Variants in BRDT observed in about 807,000 individuals in gnomAD.
The protein encoded by BRDT is bromodomain testis associated.
A neutral mutation model predicts 113.9 loss-of-function variants in BRDT; 77 were observed. That is an observed-to-expected ratio of 0.68 (90% CI 0.56 to 0.82). The LOEUF (loss-of-function observed/expected upper bound fraction) is 0.82. Among genes scored for constraint, BRDT ranks in the 40% least tolerant of loss-of-function variants. The pLI, the probability that BRDT is intolerant of heterozygous loss-of-function variation, is 0.00. For synonymous variants in BRDT, 358 were observed against 366.5 expected (o/e 0.98, Z 0.26); for missense variants, 1,027 against 1,105.4 (o/e 0.93, Z 1.01).
At chr1:91,996,329 A>G (rs2101766823) in intron 15 of BRDT, among the ~76,000 whole-genome samples, 2 of 152,168 alleles carry the variant, frequency 1.3e-5, no homozygotes, top group South Asian at 4.1e-4. Flanking sequence ...GCTCACCGCA[A>G]CCTCTGCCTC....
At chr1:91,985,285 C>T (rs924648377) in intron 12 of BRDT, among the ~76,000 whole-genome samples, 1 of 151,964 alleles carries the variant, frequency 6.6e-6, no homozygotes, top group Non-Finnish European at 1.5e-5. Flanking sequence ...TGGTCTCGAT[C>T]TCCTGACCTG....
At chr1:92,013,045 T>TTC (rs60602314) in intron 18 of BRDT, among the ~76,000 whole-genome samples, 10,146 of 151,608 alleles carry the variant, frequency 0.067, 394 homozygotes, top group African/African-American at 0.096. Context: ...TGTGGCAAAA[T>TTC]TGTCTCTACT....
intron 1 of BRDT, 80 bp from the exon 2 acceptor site, chr1:91,962,638 T>TTA: frequency 1.2e-6 from 1 of 854,698 alleles, no homozygotes; most frequent in Non-Finnish European, 1.7e-6. Flanking sequence ...CCGGCTTCTG[T>TTA]TACTCTTGAA....
intron 2 of BRDT, among the ~76,000 whole-genome samples, chr1:91,964,302 C>T (rs745913911): frequency 2.0e-4 from 31 of 152,326 alleles, no homozygotes; most frequent in Admixed American, 4.6e-4. Flanking sequence ...CTCAGGTGAT[C>T]CACCCACCTT....
chr1:91,971,044 C>T (rs1269612165), intron 4 of BRDT, among the ~76,000 whole-genome samples: 4 of 152,016 alleles, frequency 2.6e-5, no homozygotes, highest in Non-Finnish European at 5.9e-5. Flanking sequence ...GCTTCTGGGC[C>T]TCAGGAAGCT....
At chr1:91,996,551 G>C (rs775492831) in intron 15 of BRDT, among the ~76,000 whole-genome samples, 12 of 152,092 alleles carry the variant, frequency 7.9e-5, no homozygotes, top group Non-Finnish European at 1.8e-4. Context: ...CCAGCCCCAG[G>C]TTTTATAATA....
intron 3 of BRDT, 147 bp downstream of exon 3, chr1:91,964,911 T>A (rs1457262432): frequency 8.9e-5 from 15 of 169,090 alleles, no homozygotes; most frequent in Non-Finnish European, 1.3e-4. Context: ...GTGTATATAA[T>A]TTTTTTTTTT....
chr1:91,985,847 C>T (rs1363614086), intron 12 of BRDT, among the ~76,000 whole-genome samples: 2 of 150,904 alleles, frequency 1.3e-5, no homozygotes, highest in African/African-American at 4.9e-5. Flanking sequence ...ACCGTGTTAG[C>T]CAGGATGGTC....
chr1:91,979,882 T>C (rs1684551810), intron 8 of BRDT, 125 bp downstream of exon 8: 3 of 737,450 alleles, frequency 4.1e-6, no homozygotes, highest in Non-Finnish European at 6.1e-6. Flanking sequence ...ATTTACTTAT[T>C]GGCAAATTTG....
At chr1:91,967,881 G>C (rs920163305) in intron 3 of BRDT, among the ~76,000 whole-genome samples, 10 of 152,182 alleles carry the variant, frequency 6.6e-5, no homozygotes, top group African/African-American at 2.2e-4. Context: ...TGCTTGGATT[G>C]TAATTCTTTA....
chr1:91,980,881 T>C lies in BRDT; in HGVS notation c.1461-8T>C. The stretch of plus-strand genomic sequence containing the variant: ...GATAAGTTGGACTAAATTTAGTTTT[T>C]GTTACAGTCAGCCAAAGAAAAGGAA... On this transcript the variant is annotated splice_polypyrimidine_tract_variant and splice_region_variant and intron_variant, in intron 9 of 18. Coordinates refer to ENST00000399546, the MANE Select transcript of BRDT (RefSeq NM_207189.4). 1 of 1,595,910 alleles carries C rather than the reference T, an allele frequency of 6.3e-7. No homozygotes were observed. The highest frequency in any genetic ancestry group is 8.5e-7 in the Non-Finnish European group (1 of 1,174,630).
chr1:91,981,715 C>T lies in BRDT; in HGVS notation c.1962C>T (p.Ser654=), dbSNP rs1375873142. ...SSSSSESESS[S]SDLSSSDSSD... is the part of the protein sequence containing the mutation. ...GCTCATCAGAGTCTGAAAGTAGCAG[C>T]AGTGACTTAAGCTCTTCAGACAGCA... The change falls in exon 12 of 19, where the codon AGC becomes AGT. Residue 654 remains serine, a synonymous_variant. Coordinates refer to ENST00000399546, the MANE Select transcript of BRDT (RefSeq NM_207189.4). The T allele has an allele frequency of 1.9e-6, 3 of 1,614,020 alleles. No homozygotes were observed.
Position 91,949,440 on chromosome 1 carries a change from G to T in BRDT, c.-280G>T, listed in dbSNP as rs901507337. The stretch of plus-strand genomic sequence containing the variant: ...CGGCGAGGAACTGCGGAGAACTGTT[G>T]CCCTGCACCGCTTCATTTTGTGCAG... On this transcript the variant is annotated 5_prime_UTR_variant, in exon 1 of 19. Transcript: ENST00000399546. 6.6e-6 allele frequency: 1 copy of T among 152,276 alleles called. No individual in the cohort carries two copies. Among genetic ancestry groups the T allele is most frequent in the Non-Finnish European group, 1.5e-5 (1 of 68,072 alleles). 9.4% of individuals were successfully genotyped at this position (152,276 alleles called of 1,614,324 possible).
Position 91,954,887 on chromosome 1 carries a change from C to T in BRDT, c.-38+5205C>T, listed in dbSNP as rs566162808. Among the ~76,000 whole-genome samples, 77 of 152,144 alleles carry T rather than the reference C, an allele frequency of 5.1e-4. 2 individuals are homozygous for T. The highest frequency in any genetic ancestry group is 1.7e-3 in the African/African-American group (72 of 41,524). On this transcript the variant is annotated intron_variant, in intron 1 of 18. Coordinates refer to ENST00000399546, the MANE Select transcript of BRDT (RefSeq NM_207189.4). ...CTGATGTGGGAGGATGGCTTGAGCC[C>T]GAGATCGAGGCTTCAGTGAGCAGTG...
At position 91,977,365 on chromosome 1, in the gene BRDT, A is replaced by G; in HGVS notation, c.941A>G (p.Lys314Arg). 1 of 1,593,220 alleles carries G rather than the reference A, an allele frequency of 6.3e-7. No individual in the cohort carries two copies. Among genetic ancestry groups the G allele is most frequent in the Non-Finnish European group, 8.5e-7 (1 of 1,171,480 alleles). The change falls in exon 6 of 19, where the codon AAA becomes AGA. Residue 314 changes from lysine (K) to arginine (R), a missense_variant. Physicochemically the swap from Lys to Arg is conservative, Grantham distance 26. Coordinates refer to ENST00000399546, the MANE Select transcript of BRDT (RefSeq NM_207189.4). Reference protein sequence around the residue: ...LGLHNYYDVVKNPMDLGTIKE... With the variant: ...LGLHNYYDVVRNPMDLGTIKE... ...CTCCATAACTACTATGACGTTGTCAAAAATCCGATGGATCTTGGAACTATT... is the reference window on the plus strand; with the variant it reads ...CTCCATAACTACTATGACGTTGTCAGAAATCCGATGGATCTTGGAACTATT...
chr1:91,989,567 G>T (rs1352619834), intron 12 of BRDT, among the ~76,000 whole-genome samples: 1 of 152,014 alleles, frequency 6.6e-6, no homozygotes. Flanking sequence ...CAACTTGTTG[G>T]CCAGGCTGGT....
intron 12 of BRDT, among the ~76,000 whole-genome samples, chr1:91,987,942 C>T (rs182680617): frequency 3.6e-4 from 55 of 151,710 alleles, no homozygotes; most frequent in African/African-American, 9.4e-4. Flanking sequence ...CTCTGCCTCC[C>T]GGCTTCAAGC....
At chr1:91,974,121 T>C (rs1232315441) in intron 4 of BRDT, among the ~76,000 whole-genome samples, 2 of 152,130 alleles carry the variant, frequency 1.3e-5, no homozygotes, top group African/African-American at 4.8e-5. Context: ...TTACACCTTA[T>C]ACAAAAATTA....
chr1:91,953,916 C>T (rs1162337273), intron 1 of BRDT, among the ~76,000 whole-genome samples: 2 of 151,966 alleles, frequency 1.3e-5, no homozygotes, highest in Admixed American at 1.3e-4. Context: ...TTCATCTGCT[C>T]ATGATACATT....
Sources: gnomAD v4.1 joint callset for allele counts (sites outside exome capture counted in the v4.1 genomes callset) on GRCh38, gnomAD v4.1.1 for gene constraint, MANE v1.5 for transcripts, NCBI Gene and HGNC (gene_info 2026-07-23, HGNC 2026-07-21) for gene names.